Variants in PLEKHA5 observed in about 807,000 individuals in gnomAD.
PLEKHA5 encodes pleckstrin homology domain-containing family A member 5.
PLEKHA5 carries 55 observed loss-of-function variants against 181.9 expected under a neutral mutation model. That is an observed-to-expected ratio of 0.30 (90% CI 0.24 to 0.38). The LOEUF (loss-of-function observed/expected upper bound fraction) is 0.38, where lower values mean the gene tolerates loss of function less well. Ranked by LOEUF, PLEKHA5 falls within the 10% of genes least tolerant of loss-of-function variation. The pLI, the probability that PLEKHA5 is intolerant of heterozygous loss-of-function variation, is 1.00. For missense variants in PLEKHA5, 1,432 were observed against 1,549.5 expected (o/e 0.92, Z 1.27); for synonymous variants, 535 against 529.4 (o/e 1.01, Z -0.15).
Position 19,291,662 on chromosome 12 carries a change from C to G in PLEKHA5, c.2002C>G (p.His668Asp), listed in dbSNP as rs1171453241. 1 of 1,517,732 alleles carries G rather than the reference C, an allele frequency of 6.6e-7. No homozygotes were observed. The allele number at this position is 1,517,732 out of a possible 1,614,324, so 94.0% of individuals were successfully genotyped here. A position where few individuals can be genotyped will look rare whatever the true frequency, so the allele number is the denominator to read the frequency against. Residue 668 changes from histidine to aspartate, a missense_variant, in exon 15 of 32, where the codon CAT becomes GAT. Transcript: ENST00000429027. Reference sequence around the variant, plus strand: ...CTACTAGAATGAAATTCTTTCACATCATCTCCAAAGGAACACCATATATTT... The same window carrying G: ...CTACTAGAATGAAATTCTTTCACATGATCTCCAAAGGAACACCATATATTT... ...HSPKNEILSH[H>D]LQRNTIYLDH...
chr12:19,267,327 G>A (rs141179450), intron 8 of PLEKHA5, among the ~76,000 whole-genome samples: 3 of 152,210 alleles, frequency 2.0e-5, no homozygotes, highest in East Asian at 1.9e-4. Flanking sequence ...AGAATACTGA[G>A]GACTGCAGCT....
intron 3 of PLEKHA5, among the ~76,000 whole-genome samples, chr12:19,230,311 C>T (rs917397170): frequency 2.6e-5 from 4 of 152,196 alleles, no homozygotes; most frequent in African/African-American, 4.8e-5. Flanking sequence ...TAGTGGATCC[C>T]GCACTGGGCC....
chr12:19,311,821 T>C (rs1385955010), intron 15 of PLEKHA5, among the ~76,000 whole-genome samples: 1 of 152,268 alleles, frequency 6.6e-6, no homozygotes, highest in East Asian at 1.9e-4. Context: ...CCTCCTCTCT[T>C]AAATCACAAA....
intron 20 of PLEKHA5, among the ~76,000 whole-genome samples, chr12:19,329,637 G>A (rs893113586): frequency 6.6e-6 from 1 of 152,080 alleles, no homozygotes; most frequent in Non-Finnish European, 1.5e-5. Flanking sequence ...GTTCGTAATT[G>A]TCTCTAAGAA....
intron 3 of PLEKHA5, among the ~76,000 whole-genome samples, chr12:19,170,004 G>A (rs768824586): frequency 1.1e-4 from 17 of 152,180 alleles, no homozygotes; most frequent in Non-Finnish European, 2.5e-4. Context: ...TTCATATTTA[G>A]TCAGTACTTA....
At chr12:19,194,643 G>T (rs565515642) in intron 3 of PLEKHA5, among the ~76,000 whole-genome samples, 1 of 152,272 alleles carries the variant, frequency 6.6e-6, no homozygotes, top group Non-Finnish European at 1.5e-5. Context: ...ACTGCAGAAT[G>T]ACTTCAAGGG....
At chr12:19,340,652 C>T (rs1440924981) in intron 21 of PLEKHA5, among the ~76,000 whole-genome samples, 8 of 144,194 alleles carry the variant, frequency 5.5e-5, no homozygotes, top group South Asian at 2.3e-4. Context: ...TGTGACCTTA[C>T]CCCCAACCCT....
At chr12:19,274,483 C>A in intron 10 of PLEKHA5, 33 bp from the exon 11 acceptor site, 4 of 1,390,964 alleles carry the variant, frequency 2.9e-6, no homozygotes, top group Non-Finnish European at 4.0e-6. Context: ...ATTATTTCAT[C>A]TGATTTACTA....
At chr12:19,343,586 A>C (rs2094104877) in intron 22 of PLEKHA5, 152 bp downstream of exon 22, 1 of 639,320 alleles carries the variant, frequency 1.6e-6, no homozygotes. Context: ...ATGGCCTACT[A>C]CACACCTAGG....
intron 24 of PLEKHA5, among the ~76,000 whole-genome samples, chr12:19,347,882 C>CTTTT (rs527719770): frequency 1.7e-5 from 2 of 119,810 alleles, no homozygotes; most frequent in South Asian, 2.7e-4. Flanking sequence ...CAGAAATATT[C>CTTTT]TTTTTTTTTT....
intron 3 of PLEKHA5, among the ~76,000 whole-genome samples, chr12:19,241,083 C>T (rs2062491106): frequency 6.6e-6 from 1 of 152,154 alleles, no homozygotes; most frequent in East Asian, 1.9e-4. Context: ...CATTATACTT[C>T]ACATTAAAGA....
At chr12:19,147,897 A>G (rs1262192201) in intron 3 of PLEKHA5, among the ~76,000 whole-genome samples, 1 of 151,536 alleles carries the variant, frequency 6.6e-6, no homozygotes, top group Admixed American at 6.6e-5. Context: ...CACCACACCT[A>G]GCTAATTTAT....
chr12:19,288,206 T>C (rs1340957432), intron 13 of PLEKHA5: 18 of 197,014 alleles, frequency 9.1e-5, no homozygotes, highest in Non-Finnish European at 8.6e-5. Context: ...CAGTTATTTG[T>C]AGTCAAACTA....
At chr12:19,227,771 G>A (rs1328124805) in intron 3 of PLEKHA5, among the ~76,000 whole-genome samples, 1 of 152,174 alleles carries the variant, frequency 6.6e-6, no homozygotes, top group Non-Finnish European at 1.5e-5. Context: ...GCAGTGGATA[G>A]CAATGACCGA....
intron 3 of PLEKHA5, among the ~76,000 whole-genome samples, chr12:19,143,340 A>G (rs755598219): frequency 1.2e-4 from 19 of 152,234 alleles, no homozygotes; most frequent in Non-Finnish European, 2.4e-4. Flanking sequence ...AATGATTCCA[A>G]ATCAAATAAT....
intron 15 of PLEKHA5, among the ~76,000 whole-genome samples, chr12:19,301,922 TAG>T (rs2081581742): frequency 6.6e-6 from 1 of 152,134 alleles, no homozygotes; most frequent in Non-Finnish European, 1.5e-5. Flanking sequence ...CAGGTGTGCC[TAG>T]AGAGAGTGGA....
chr12:19,245,211 G>C (rs1021466332), intron 3 of PLEKHA5, among the ~76,000 whole-genome samples: 1 of 152,190 alleles, frequency 6.6e-6, no homozygotes, highest in Non-Finnish European at 1.5e-5. Context: ...TGCTAGCGCA[G>C]ATATTTTCTT....
chr12:19,221,402 A>C (rs189712916), intron 3 of PLEKHA5, among the ~76,000 whole-genome samples: 1 of 152,308 alleles, frequency 6.6e-6, no homozygotes, highest in African/African-American at 2.4e-5. Context: ...TAAAAAGTCT[A>C]CTTACTGTAT....
chr12:19,293,942 C>T (rs2079110003), intron 15 of PLEKHA5, among the ~76,000 whole-genome samples: 1 of 152,198 alleles, frequency 6.6e-6, no homozygotes, highest in Non-Finnish European at 1.5e-5. Flanking sequence ...GACTTCTAAA[C>T]ATCCTAATGT....
Sources: allele counts gnomAD v4.1 joint callset (sites outside exome capture counted in the v4.1 genomes callset), GRCh38; gene constraint gnomAD v4.1.1; transcripts MANE v1.5; gene names NCBI Gene and HGNC (gene_info 2026-07-23, HGNC 2026-07-21).